FHIP1A: variants seen among roughly 807,000 people sequenced by gnomAD.
FHIP1A encodes the protein FHF complex subunit HOOK-interacting protein 1A.
FHIP1A carries 61 observed loss-of-function variants against 88.6 expected under a neutral mutation model. The observed-to-expected ratio is 0.69, with a 90% CI of 0.56 to 0.85. The LOEUF (loss-of-function observed/expected upper bound fraction) is 0.85, where lower values mean the gene tolerates loss of function less well. Ranked by LOEUF, FHIP1A falls within the 40% of genes least tolerant of loss-of-function variation. The probability of loss-of-function intolerance (pLI) is 0.00; values close to 1 mark genes in which losing one functional copy is unlikely to be tolerated. For synonymous variants in FHIP1A, 478 were observed against 496.0 expected, an observed-to-expected ratio of 0.96 and a Z score of 0.48; for missense variants, 1,154 against 1,273.5, an observed-to-expected ratio of 0.91 and a Z score of 1.43.
At position 151,456,056 on chromosome 4, in the gene FHIP1A, C is replaced by T. The variant is rs1728956751; in HGVS notation, c.-248+1248C>T. ...AATTCAGAAACACATACCTTCTTAACATACATCATCTATGGAAAAAAAAGC... is the reference window on the plus strand; with the variant it reads ...AATTCAGAAACACATACCTTCTTAATATACATCATCTATGGAAAAAAAAGC... On this transcript the variant is annotated intron_variant, in intron 2 of 13. Transcript: ENST00000435205. Among the ~76,000 whole-genome samples the T allele has an allele frequency of 2.0e-5, 3 of 152,180 alleles. No individual in the cohort carries two copies. The South Asian group carries it at 6.2e-4, about 32-fold the overall frequency.
At chr4:151,450,203 C>T (rs906268731) in intron 1 of FHIP1A, among the ~76,000 whole-genome samples, 2 of 151,984 alleles carry the variant, frequency 1.3e-5, no homozygotes, top group African/African-American at 4.8e-5. Context: ...AAAGGTCAAA[C>T]GTAAAGAAGT....
intron 3 of FHIP1A, among the ~76,000 whole-genome samples, chr4:151,547,890 G>A (rs1732566930): frequency 6.6e-6 from 1 of 151,798 alleles, no homozygotes; most frequent in Non-Finnish European, 1.5e-5. Flanking sequence ...CTCCAGCCTG[G>A]GCCACAGAGT....
At chr4:151,563,089 T>C (rs990331143) in intron 3 of FHIP1A, among the ~76,000 whole-genome samples, 1 of 152,078 alleles carries the variant, frequency 6.6e-6, no homozygotes, top group African/African-American at 2.4e-5. Context: ...TCTTTCCTTA[T>C]TGATGGAAAG....
chr4:151,625,756 C>T (rs189387789), intron 7 of FHIP1A, among the ~76,000 whole-genome samples: 462 of 152,266 alleles, frequency 3.0e-3, no homozygotes, highest in African/African-American at 0.011. Context: ...TTGCCTATTT[C>T]TGGGAAGCTT....
intron 7 of FHIP1A, among the ~76,000 whole-genome samples, chr4:151,626,832 A>G (rs1426370499): frequency 3.9e-5 from 6 of 152,200 alleles, no homozygotes; most frequent in African/African-American, 1.4e-4. Context: ...TCTTGCTAAC[A>G]CTTCTTTGGG....
chr4:151,576,767 C>G (rs1392707891), intron 4 of FHIP1A: 2 of 152,116 alleles, frequency 1.3e-5, no homozygotes, highest in Non-Finnish European at 2.9e-5. Flanking sequence ...TTCCTTTAAT[C>G]TTTTCTGTTG....
At chr4:151,520,576 A>T (rs1451061214) in intron 3 of FHIP1A, among the ~76,000 whole-genome samples, 1 of 152,166 alleles carries the variant, frequency 6.6e-6, no homozygotes, top group African/African-American at 2.4e-5. Flanking sequence ...TTTAATCTTT[A>T]CTTGAGTGCA....
chr4:151,595,638 C>T lies in FHIP1A; in HGVS notation c.978+6712C>T, dbSNP rs563492683. ...TTGACAGTGGGGTGTTAAAGTCTCC[C>T]GCTATTATTGTGTGGGAGTCTAAGT... On this transcript the variant is annotated intron_variant, in intron 7 of 13. Coordinates refer to ENST00000435205, the MANE Select transcript of FHIP1A (RefSeq NM_001109977.3). 5.9e-5 allele frequency among the ~76,000 whole-genome samples: 9 copies of T among 152,202 alleles called. No homozygotes were observed. In the East Asian group the frequency reaches 7.7e-4, roughly 13 times the overall value.
At chr4:151,662,389 A>T in intron 13 of FHIP1A, 112 bp from the exon 14 acceptor site, 3 of 1,140,336 alleles carry the variant, frequency 2.6e-6, no homozygotes, top group Non-Finnish European at 3.6e-6. Context: ...TAGGAACTGC[A>T]CTCATAACTA....
chr4:151,562,962 G>A (rs1024723279), intron 3 of FHIP1A, among the ~76,000 whole-genome samples: 10 of 152,104 alleles, frequency 6.6e-5, no homozygotes, highest in Non-Finnish European at 1.3e-4. Context: ...TAAGGTGGAA[G>A]CATATGTTTT....
chr4:151,517,364 A>G (rs1405792606), intron 3 of FHIP1A, among the ~76,000 whole-genome samples: 1 of 152,112 alleles, frequency 6.6e-6, no homozygotes, highest in East Asian at 1.9e-4. Flanking sequence ...TGATGAGTTA[A>G]TGGGTGCAGC....
intron 1 of FHIP1A, among the ~76,000 whole-genome samples, chr4:151,443,901 A>G (rs1260886338): frequency 6.6e-6 from 1 of 152,006 alleles, no homozygotes; most frequent in Non-Finnish European, 1.5e-5. Flanking sequence ...TTGTCTGTCA[A>G]TACACTTGGC....
At chr4:151,498,278 C>T (rs189194448) in intron 3 of FHIP1A, among the ~76,000 whole-genome samples, 5 of 152,170 alleles carry the variant, frequency 3.3e-5, no homozygotes, top group Admixed American at 6.5e-5. Flanking sequence ...GTTTGGTACC[C>T]GTATGAATTC....
chr4:151,476,469 A>G (rs1729710368), intron 2 of FHIP1A, among the ~76,000 whole-genome samples: 1 of 152,050 alleles, frequency 6.6e-6, no homozygotes, highest in Admixed American at 6.6e-5. Flanking sequence ...TTTTATAAAA[A>G]CCCTTTAAAA....
chr4:151,594,716 G>C (rs1734581219), intron 7 of FHIP1A, among the ~76,000 whole-genome samples: 1 of 151,956 alleles, frequency 6.6e-6, no homozygotes, highest in African/African-American at 2.4e-5. Context: ...TGGGACTACA[G>C]GCGCCTGCCA....
intron 3 of FHIP1A, among the ~76,000 whole-genome samples, chr4:151,526,056 G>T (rs188155842): frequency 2.6e-5 from 4 of 152,296 alleles, no homozygotes; most frequent in Admixed American, 2.6e-4. Flanking sequence ...ACATGTTTCA[G>T]ATAGCACAGG....
intron 3 of FHIP1A, among the ~76,000 whole-genome samples, chr4:151,501,440 C>T (rs1283948995): frequency 6.6e-6 from 1 of 152,082 alleles, no homozygotes; most frequent in East Asian, 1.9e-4. Context: ...TCCTCACTAA[C>T]ACTTGTTATT....
intron 3 of FHIP1A, among the ~76,000 whole-genome samples, chr4:151,528,043 A>G (rs1731744948): frequency 6.6e-6 from 1 of 152,130 alleles, no homozygotes; most frequent in African/African-American, 2.4e-5. Context: ...TATTGAATGG[A>G]CCCAGGCCAG....
intron 3 of FHIP1A, among the ~76,000 whole-genome samples, chr4:151,523,141 T>C (rs1731506202): frequency 6.6e-6 from 1 of 152,218 alleles, no homozygotes; most frequent in Non-Finnish European, 1.5e-5. Flanking sequence ...ATCTGGCACA[T>C]GTGACATAAT....
Sources: gnomAD v4.1 joint callset for allele counts (sites outside exome capture counted in the v4.1 genomes callset) on GRCh38, gnomAD v4.1.1 for gene constraint, MANE v1.5 for transcripts, NCBI Gene and HGNC (gene_info 2026-07-23, HGNC 2026-07-21) for gene names.